MAP3K6: variants seen among roughly 807,000 people sequenced by gnomAD.
The protein encoded by MAP3K6 is mitogen-activated protein kinase kinase kinase 6, also known as apoptosis signal-regulating kinase 2.
MAP3K6 carries 105 observed loss-of-function variants against 147.1 expected under a neutral mutation model. The ratio of observed to expected loss-of-function variants is 0.71; its 90% CI spans 0.61 to 0.84. The LOEUF (loss-of-function observed/expected upper bound fraction) is 0.84. MAP3K6 is among the 40% of genes least tolerant of loss of function. MAP3K6 has a pLI of 0.00. For missense variants in MAP3K6, 1,569 were observed against 1,715.0 expected (o/e 0.91, Z 1.50); for synonymous variants, 695 against 732.4 (o/e 0.95, Z 0.82).
chr1:27,362,907 G>A lies in MAP3K6; in HGVS notation c.1086C>T (p.Asp362=). The change falls in exon 7 of 29, where the codon GAC becomes GAT. Residue 362 remains aspartate (D), a synonymous_variant. Coordinates refer to ENST00000357582, the MANE Select transcript of MAP3K6 (RefSeq NM_004672.5). ...LYCMCGRIYK[D]MFFSSGFQDA... is the part of the protein sequence containing the mutation. ...CCTGGAAACCCGAGCTGAAGAACAT[G>A]TCCTTGTAGATACGGCCACACATGC... is the stretch of plus-strand genomic sequence containing the variant. 6.2e-7 allele frequency: 1 copy of A among 1,614,180 alleles called. No homozygotes were observed. Among genetic ancestry groups the A allele is most frequent in the Non-Finnish European group, 8.5e-7 (1 of 1,180,020 alleles).
At chr1:27,355,493 G>A in intron 28 of MAP3K6, 24 bp from the exon 29 acceptor site, 1 of 1,612,668 alleles carries the variant, frequency 6.2e-7, no homozygotes, top group Non-Finnish European at 8.5e-7. Flanking sequence ...ACTCAGTGTG[G>A]CTCAGCCAGA....
rs1360124910 is a variant in MAP3K6, at chr1:27,364,199, A to G, written c.695+5T>C. 2 of 1,610,138 alleles carry G rather than the reference A, an allele frequency of 1.2e-6. No individual in the cohort carries two copies. The highest frequency in any genetic ancestry group is 1.7e-6 in the Non-Finnish European group (2 of 1,178,872). Reference sequence around the variant, plus strand: ...TGGAGCACCCTCCCTGGGGGCCTTCATTACCAAGAGTCTGTGGGTGTGGCC... The same window carrying G: ...TGGAGCACCCTCCCTGGGGGCCTTCGTTACCAAGAGTCTGTGGGTGTGGCC... On this transcript the variant is annotated splice_donor_5th_base_variant and intron_variant, in intron 4 of 28. Coordinates refer to ENST00000357582, the MANE Select transcript of MAP3K6 (RefSeq NM_004672.5). The surrounding 1 kb of genome is among the most constrained non-coding windows in gnomAD (Gnocchi z 4.4).
chr1:27,364,281 T>C lies in MAP3K6; in HGVS notation c.618A>G (p.Gly206=). 1.2e-6 allele frequency: 2 copies of C among 1,613,740 alleles called. No homozygotes were observed. Among genetic ancestry groups the C allele is most frequent in the Non-Finnish European group, 1.7e-6 (2 of 1,180,012 alleles). ...RGLADGLVQA[G]VGTEALLTPL... is the part of the protein sequence containing the mutation. ...GAGTGAGCAGGGCCTCGGTCCCCAC[T>C]CCAGCCTGTACCAGCCCATCAGCCA... The change falls in exon 4 of 29, where the codon GGA becomes GGG. Residue 206 remains glycine, a synonymous_variant. Coordinates refer to ENST00000357582, the MANE Select transcript of MAP3K6 (RefSeq NM_004672.5). This position sits in a 1 kb window ranked among gnomAD's most constrained non-coding sequence, Gnocchi z 4.4.
At position 27,364,401 on chromosome 1, in the gene MAP3K6, G is replaced by A. The variant is rs747542811; in HGVS notation, c.505-7C>T. The A allele has an allele frequency of 6.2e-7, 1 of 1,613,452 alleles. No individual in the cohort carries two copies. Among genetic ancestry groups the A allele is most frequent in the East Asian group, 2.2e-5 (1 of 44,880 alleles). On this transcript the variant is annotated splice_polypyrimidine_tract_variant and splice_region_variant and intron_variant, in intron 3 of 28. Coordinates refer to ENST00000357582, the MANE Select transcript of MAP3K6 (RefSeq NM_004672.5). The surrounding 1 kb of genome is among the most constrained non-coding windows in gnomAD (Gnocchi z 4.4). The stretch of plus-strand genomic sequence containing the variant: ...TGTAGCTGCCAACGCAATCCTGGTG[G>A]GAGGGAGGCAGGAATCAGTGAGGTC...
rs368519117 is a variant in MAP3K6 at position 27,362,650 on chromosome 1, G to A, written c.1246C>T (p.Arg416Trp). 28 of 1,588,144 alleles carry A rather than the reference G, an allele frequency of 1.8e-5. 1 individual carries two copies. Among genetic ancestry groups the A allele is most frequent in the African/African-American group, 9.4e-5 (7 of 74,536 alleles). ...GQHFEDSKEL[R>W]LIGMKLGCLL... ...CAGGATCTGTGCTCACCTATTAGCC[G>A]GAGCTCTTTGGAATCCTCAAAGTGC... The change falls in exon 8 of 29, where the codon CGG (arginine) becomes TGG (tryptophan). Residue 416 changes from arginine (R) to tryptophan (W), a missense_variant. Physicochemically the swap from Arg to Trp is moderately radical, Grantham distance 101. Coordinates refer to ENST00000357582, the MANE Select transcript of MAP3K6 (RefSeq NM_004672.5).
At chr1:27,356,886 C>A in intron 24 of MAP3K6, 123 bp downstream of exon 24, 1 of 1,408,152 alleles carries the variant, frequency 7.1e-7, no homozygotes, top group Non-Finnish European at 9.7e-7. Context: ...CATTTAGTCA[C>A]GCCCCCACCG....
At position 27,360,172 on chromosome 1, in the gene MAP3K6, C is replaced by T; in HGVS notation, c.2182+69G>A. ...AGGGTGCATTTCCCCCTAGGGCTCT[C>T]TACCCCTGCCTGCCTCGGTCCCATG... is the stretch of plus-strand genomic sequence containing the variant. On this transcript the variant is annotated intron_variant, in intron 16 of 28. Transcript: ENST00000357582. This position sits in a 1 kb window ranked among gnomAD's most constrained non-coding sequence, Gnocchi z 4.5. 6.3e-7 allele frequency: 1 copy of T among 1,599,278 alleles called. No homozygotes were observed. Among genetic ancestry groups the T allele is most frequent in the Non-Finnish European group, 8.5e-7 (1 of 1,171,186 alleles).
Position 27,364,063 on chromosome 1 carries a change from G to A in MAP3K6, c.718C>T (p.Arg240Trp), listed in dbSNP as rs756173450. The part of the protein sequence containing the change: ...DSCGYFRETI[R>W]RDIRQARERF... ...TCCCGCGCCTGCCGGATGTCCCGCC[G>A]AATGGTCTCCCGGAAATAGCCACTG... The change falls in exon 5 of 29, where the codon CGG becomes TGG. Residue 240 changes from arginine (R) to tryptophan (W), a missense_variant. Coordinates refer to ENST00000357582, the MANE Select transcript of MAP3K6 (RefSeq NM_004672.5). This position sits in a 1 kb window ranked among gnomAD's most constrained non-coding sequence, Gnocchi z 4.4. 1.4e-5 allele frequency: 23 copies of A among 1,612,658 alleles called. No homozygotes were observed. Among genetic ancestry groups the A allele is most frequent in the Middle Eastern group, 1.6e-4 (1 of 6,080 alleles).
chr1:27,360,740 G>A lies in MAP3K6; in HGVS notation c.2019C>T (p.Arg673=). ...YAGRDRHTRV[R]IAIKEIPERD... Reference sequence around the variant, plus strand: ...GCTCCGGGATCTCCTTGATGGCGATGCGCACCCTCGTGTGGCGATCGCGGC... The same window carrying A: ...GCTCCGGGATCTCCTTGATGGCGATACGCACCCTCGTGTGGCGATCGCGGC... Residue 673 remains arginine (R), a synonymous_variant, in exon 15 of 29, where the codon CGC becomes CGT. Transcript: ENST00000357582. This position sits in a 1 kb window ranked among gnomAD's most constrained non-coding sequence, Gnocchi z 4.5. 5 of 1,612,570 alleles carry A rather than the reference G, an allele frequency of 3.1e-6. No individual in the cohort carries two copies. The highest frequency in any genetic ancestry group is 1.7e-6 in the Non-Finnish European group (2 of 1,179,812).
intron 24 of MAP3K6, 84 bp from the exon 25 acceptor site, chr1:27,356,833 C>T: frequency 2.0e-6 from 3 of 1,490,554 alleles, no homozygotes; most frequent in South Asian, 1.3e-5. Context: ...GTAGGGTGCC[C>T]GGCTCTGGGC....
chr1:27,360,329 T>C lies in MAP3K6; in HGVS notation c.2094A>G (p.Arg698=). 1.9e-6 allele frequency: 3 copies of C among 1,613,944 alleles called. No homozygotes were observed. Among genetic ancestry groups the C allele is most frequent in the Non-Finnish European group, 2.5e-6 (3 of 1,179,950 alleles). The change falls in exon 16 of 29, where the codon AGA becomes AGG. Residue 698 remains arginine, a synonymous_variant. Coordinates refer to ENST00000357582, the MANE Select transcript of MAP3K6 (RefSeq NM_004672.5). The surrounding 1 kb of genome is among the most constrained non-coding windows in gnomAD (Gnocchi z 4.5). The stretch of plus-strand genomic sequence containing the variant: ...GCACTATGTTCTTGTGGCGCAGGCG[T>C]CTGTGAAGAGCGATCTCTTCATGCA... The part of the protein sequence containing the change: ...QPLHEEIALH[R]RLRHKNIVRY...
At chr1:27,361,896 G>A in intron 9 of MAP3K6, 29 bp from the exon 10 acceptor site, 1 of 1,514,782 alleles carries the variant, frequency 6.6e-7, no homozygotes. Context: ...CCTCAGTTCA[G>A]CCCAGGCACC....
rs901938173 is a variant in MAP3K6 at position 27,359,530 on chromosome 1, A to T, written c.2320-8T>A. On this transcript the variant is annotated splice_region_variant and splice_polypyrimidine_tract_variant and intron_variant, in intron 17 of 28. Transcript: ENST00000357582. The surrounding 1 kb of genome is among the most constrained non-coding windows in gnomAD (Gnocchi z 4.4). ...GATCAGCACATTGTCCCCCTGATTG[A>T]CAGCCATTAGTGGACACTGGTCTGG... 2 of 1,614,036 alleles carry T rather than the reference A, an allele frequency of 1.2e-6. No homozygotes were observed. The highest frequency in any genetic ancestry group is 1.7e-6 in the Non-Finnish European group (2 of 1,179,992).
intron 25 of MAP3K6, 43 bp downstream of exon 25, chr1:27,356,547 T>C (rs759786376): frequency 6.2e-7 from 1 of 1,611,158 alleles, no homozygotes; most frequent in South Asian, 1.1e-5. Flanking sequence ...GGTGAGTGGG[T>C]TGAAGCCCGG....
In MAP3K6 at chr1:27,360,862, G is replaced by C. The variant is rs1361909749; in HGVS notation, c.1921-24C>G. The C allele has an allele frequency of 6.2e-7, 1 of 1,612,072 alleles. No homozygotes were observed. Among genetic ancestry groups the C allele is most frequent in the Non-Finnish European group, 8.5e-7 (1 of 1,179,532 alleles). On this transcript the variant is annotated intron_variant, in intron 14 of 28. Coordinates refer to ENST00000357582, the MANE Select transcript of MAP3K6 (RefSeq NM_004672.5). The surrounding 1 kb of genome is among the most constrained non-coding windows in gnomAD (Gnocchi z 4.5). ...AACTGCCGGGCGCGGGGTGAGATGG[G>C]AGTTCAGCAGGGCCCGCGGCCCCTC...
intron 27 of MAP3K6, 62 bp from the exon 28 acceptor site, chr1:27,355,807 G>A: frequency 6.6e-7 from 1 of 1,504,544 alleles, no homozygotes; most frequent in South Asian, 1.1e-5. Flanking sequence ...GATGTGTCGA[G>A]ACCCAGGTAC....
rs771106959 is a variant in MAP3K6, at chr1:27,361,109, C to T, written c.1832+48G>A. 3.2e-6 allele frequency: 5 copies of T among 1,553,752 alleles called. No individual in the cohort carries two copies. The East Asian group carries it at 9.4e-5, about 29-fold the overall frequency. ...GTCCCTTTCTTTCCCCCACTCCCCC[C>T]CGGGCATCCTGGCCCTCAGAGTACC... On this transcript the variant is annotated intron_variant, in intron 13 of 28. Transcript: ENST00000357582.
At chr1:27,356,952 G>T (rs966240316) in intron 24 of MAP3K6, 57 bp downstream of exon 24, 20 of 1,556,424 alleles carry the variant, frequency 1.3e-5, no homozygotes, top group South Asian at 2.2e-5. Flanking sequence ...GATGTTCACC[G>T]CGCCCAGCAA....
chr1:27,364,075 G>T lies in MAP3K6; in HGVS notation c.706C>A (p.Arg236=). 1 of 1,612,242 alleles carries T rather than the reference G, an allele frequency of 6.2e-7. No homozygotes were observed. Among genetic ancestry groups the T allele is most frequent in the Non-Finnish European group, 8.5e-7 (1 of 1,179,470 alleles). Residue 236 remains arginine (R), a synonymous_variant, in exon 5 of 29, where the codon CGG becomes AGG. Coordinates refer to ENST00000357582, the MANE Select transcript of MAP3K6 (RefSeq NM_004672.5). The surrounding 1 kb of genome is among the most constrained non-coding windows in gnomAD (Gnocchi z 4.4). ...CGGATGTCCCGCCGAATGGTCTCCC[G>T]GAAATAGCCACTGATGCCCAGGGTA... is the stretch of plus-strand genomic sequence containing the variant. ...ATPTDSCGYF[R]ETIRRDIRQA...
Sources: allele counts gnomAD v4.1 joint callset, GRCh38; gene constraint gnomAD v4.1.1; non-coding constraint Gnocchi (gnomAD v3.1); transcripts MANE v1.5; gene names NCBI Gene and HGNC (gene_info 2026-07-23, HGNC 2026-07-21).